Variants in CCNG1 observed in about 807,000 individuals in gnomAD.
CCNG1 encodes the protein cyclin-G1.
A neutral mutation model predicts 30.0 loss-of-function variants in CCNG1; 13 were observed. That is an observed-to-expected ratio of 0.43 (90% CI 0.28 to 0.69). The LOEUF (loss-of-function observed/expected upper bound fraction) is 0.69. Ranked by LOEUF, CCNG1 falls within the 30% of genes least tolerant of loss-of-function variation. CCNG1 has a pLI of 0.16. For synonymous variants in CCNG1, 110 were observed against 121.5 expected, an observed-to-expected ratio of 0.91 and a Z score of 0.62; for missense variants, 285 against 331.4, an observed-to-expected ratio of 0.86 and a Z score of 1.09.
At chr5:163,457,444 C>A in the CCNG1 span, 1 of 696,410 alleles carries the variant, frequency 1.4e-6, no homozygotes, top group Non-Finnish European at 2.5e-6. Context: ...CGGTTTTCAA[C>A]ACATTTCTAT....
intron 1 of CCNG1, among the ~76,000 whole-genome samples, 197 bp downstream of exon 1, chr5:163,438,001 G>A (rs1389503564): frequency 6.6e-6 from 1 of 152,182 alleles, no homozygotes; most frequent in Non-Finnish European, 1.5e-5. Context: ...CGTGTCTGCC[G>A]ACCCAGTCCC....
At chr5:163,440,090 G>A (rs1757728717) in intron 2 of CCNG1, among the ~76,000 whole-genome samples, 1 of 151,494 alleles carries the variant, frequency 6.6e-6, no homozygotes, top group Non-Finnish European at 1.5e-5. Flanking sequence ...TGTTACAAAT[G>A]CATCTGCCTT....
At chr5:163,457,509 A>G in the CCNG1 span, 1 of 1,047,550 alleles carries the variant, frequency 9.5e-7, no homozygotes. Context: ...AAAGAGGAAA[A>G]GATATCAAGA....
downstream of CCNG1, chr5:163,448,642 T>TA (rs1293089555): frequency 6.6e-6 from 1 of 152,172 alleles, no homozygotes; most frequent in Non-Finnish European, 1.5e-5. Flanking sequence ...ATTAACATGA[T>TA]ACCATACCAA....
rs2069353 is a variant in CCNG1, at chr5:163,442,216, A to G, written c.696+73A>G. The G allele has an allele frequency of 2.0e-3, 2,323 of 1,142,480 alleles. 40 individuals are homozygous for G. The African/African-American group carries it at 0.033, about 16-fold the overall frequency. 70.8% of individuals were successfully genotyped at this position (1,142,480 alleles called of 1,614,324 possible). A position where few individuals can be genotyped will look rare whatever the true frequency, so the allele number is the denominator to read the frequency against. On this transcript the variant is annotated intron_variant, in intron 5 of 6. Coordinates refer to ENST00000340828, the MANE Select transcript of CCNG1 (RefSeq NM_004060.4). The stretch of plus-strand genomic sequence containing the variant: ...CTAAACCCCTTCTATCTCCTGAAGT[A>G]AAATGAGATGTCATATGTTTATTTG...
At chr5:163,455,352 G>C in the CCNG1 span, among the ~76,000 whole-genome samples, 1 of 152,204 alleles carries the variant, frequency 6.6e-6, no homozygotes, top group Non-Finnish European at 1.5e-5. Flanking sequence ...ATCACTAAGA[G>C]GGATAGCTGT....
At chr5:163,439,024 C>CAAAA (rs5872822) in intron 1 of CCNG1, among the ~76,000 whole-genome samples, 25 of 97,248 alleles carry the variant, frequency 2.6e-4, no homozygotes, top group African/African-American at 7.8e-4. Context: ...GACTCCTTCT[C>CAAAA]AAAAAAAAAA....
At chr5:163,457,597 T>C in the CCNG1 span, 1 of 1,584,064 alleles carries the variant, frequency 6.3e-7, no homozygotes, top group African/African-American at 1.3e-5. Flanking sequence ...TATTGTAGAA[T>C]CAAAGAGTTT....
downstream of CCNG1, chr5:163,448,547 T>A (rs570218853): frequency 2.0e-5 from 3 of 152,262 alleles, no homozygotes; most frequent in South Asian, 6.2e-4. Flanking sequence ...ACTAGCAAAT[T>A]CATAAAACAT....
chr5:163,449,644 G>T (rs542925514), downstream of CCNG1: 9 of 152,264 alleles, frequency 5.9e-5, no homozygotes, highest in South Asian at 1.9e-3. Context: ...AATTTTGAAG[G>T]AATCATGCTG....
At chr5:163,455,735 GAAAAA>G in the CCNG1 span, among the ~76,000 whole-genome samples, 1 of 108,814 alleles carries the variant, frequency 9.2e-6, no homozygotes, top group Non-Finnish European at 2.0e-5. Flanking sequence ...CTCCATCTCA[GAAAAA>G]AAAAAAAAAA....
chr5:163,442,150 G>A lies in CCNG1; in HGVS notation c.696+7G>A, dbSNP rs1399474858. On this transcript the variant is annotated splice_region_variant and intron_variant, in intron 5 of 6. Coordinates refer to ENST00000340828, the MANE Select transcript of CCNG1 (RefSeq NM_004060.4). ...TCTTCAGAAACATTCCAAGGTATGT[G>A]AAGGACATAGCCTAAATCCTATTAA... 2.6e-6 allele frequency: 4 copies of A among 1,554,118 alleles called. No individual in the cohort carries two copies. The highest frequency in any genetic ancestry group is 2.7e-5 in the African/African-American group (2 of 73,560).
Position 163,442,147 on chromosome 5 carries a change from T to C in CCNG1, c.696+4T>C. 6.4e-7 allele frequency: 1 copy of C among 1,571,596 alleles called. No individual in the cohort carries two copies. Among genetic ancestry groups the C allele is most frequent in the South Asian group, 1.1e-5 (1 of 89,168 alleles). On this transcript the variant is annotated splice_donor_region_variant and intron_variant, in intron 5 of 6. Coordinates refer to ENST00000340828, the MANE Select transcript of CCNG1 (RefSeq NM_004060.4). ...ATGTCTTCAGAAACATTCCAAGGTA[T>C]GTGAAGGACATAGCCTAAATCCTAT... is the stretch of plus-strand genomic sequence containing the variant.
In CCNG1 at chr5:163,442,545, A is replaced by T. The variant is rs550647868; in HGVS notation, c.868A>T (p.Ile290Phe). The T allele has an allele frequency of 6.2e-7, 1 of 1,609,326 alleles. No homozygotes were observed. The highest frequency in any genetic ancestry group is 8.5e-7 in the Non-Finnish European group (1 of 1,178,016). ...CTACAGAATAACTCACCTTCCAACA[A>T]TTCCTGAAATGGTCCCTTAACTGGT... Reference protein sequence around the residue: ...SYYRITHLPTIPEMVP With the variant: ...SYYRITHLPTFPEMVP The change falls in exon 6 of 7, where the codon ATT (isoleucine) becomes TTT (phenylalanine). Residue 290 changes from isoleucine to phenylalanine, a missense_variant. Ile to Phe is a conservative substitution (Grantham distance 21). Transcript: ENST00000340828.
chr5:163,457,042 T>G, the CCNG1 span: 46 of 1,613,100 alleles, frequency 2.9e-5, no homozygotes, highest in Non-Finnish European at 3.6e-5. Flanking sequence ...GCATCTCTCT[T>G]TGTCTTTGTA....
intron 2 of CCNG1, among the ~76,000 whole-genome samples, chr5:163,440,465 A>G (rs1757752041): frequency 6.6e-6 from 1 of 152,194 alleles, no homozygotes; most frequent in Non-Finnish European, 1.5e-5. Context: ...GAAGAGAGAG[A>G]GCACAGAGAT....
chr5:163,449,871 C>A (rs1758134636), downstream of CCNG1: 1 of 152,240 alleles, frequency 6.6e-6, no homozygotes, highest in Non-Finnish European at 1.5e-5. Flanking sequence ...AAAAAATAAA[C>A]CTACCTAAAT....
downstream of CCNG1, chr5:163,447,437 T>G (rs1188105568): frequency 9.9e-6 from 1 of 101,122 alleles, no homozygotes; most frequent in Admixed American, 1.1e-4. Context: ...AGTGACAGGG[T>G]AAGACTCAAA....
downstream of CCNG1, chr5:163,447,244 G>T: frequency 2.0e-5 from 3 of 152,834 alleles, no homozygotes; most frequent in South Asian, 5.6e-4. Flanking sequence ...TTGAGGCCAA[G>T]AGTTCAAGAC....
Sources: allele counts gnomAD v4.1 joint callset (sites outside exome capture counted in the v4.1 genomes callset), GRCh38; gene constraint gnomAD v4.1.1; transcripts MANE v1.5; gene names NCBI Gene and HGNC (gene_info 2026-07-23, HGNC 2026-07-21).